DPYD: variants seen among roughly 807,000 people sequenced by gnomAD.
The protein encoded by DPYD is dihydropyrimidine dehydrogenase [NADP(+)].
A neutral mutation model predicts 116.2 loss-of-function variants in DPYD; 109 were observed. The observed-to-expected ratio is 0.94, with a 90% CI of 0.80 to 1.10. The LOEUF (loss-of-function observed/expected upper bound fraction) is 1.10. DPYD is among the 50% of genes least tolerant of loss of function. DPYD has a pLI of 0.00. For synonymous variants in DPYD, 440 were observed against 432.0 expected (o/e 1.02, Z -0.23); for missense variants, 1,302 against 1,254.5 (o/e 1.04, Z -0.57).
intron 22 of DPYD, 43 bp from the exon 23 acceptor site, chr1:97,079,189 G>C (rs559818051): frequency 6.2e-7 from 1 of 1,605,680 alleles, no homozygotes; most frequent in East Asian, 2.2e-5. Context: ...TGACCACAAA[G>C]GTCAACAATG....
chr1:97,531,618 G>A (rs1254702443), intron 12 of DPYD, among the ~76,000 whole-genome samples: 1 of 152,056 alleles, frequency 6.6e-6, no homozygotes, highest in African/African-American at 2.4e-5. Context: ...TGGGTATTTT[G>A]TGGATTCATA....
At chr1:97,103,600 T>C (rs1256665338) in intron 20 of DPYD, among the ~76,000 whole-genome samples, 6 of 152,122 alleles carry the variant, frequency 3.9e-5, no homozygotes. Flanking sequence ...ATATCTAAAT[T>C]GGTCAAAAGC....
chr1:97,163,992 A>G (rs1656120365), intron 20 of DPYD, among the ~76,000 whole-genome samples: 1 of 152,210 alleles, frequency 6.6e-6, no homozygotes, highest in East Asian at 1.9e-4. Flanking sequence ...ACTTCAGGCC[A>G]ATATCCTTGA....
chr1:97,681,992 T>C (rs1660451060), intron 7 of DPYD, among the ~76,000 whole-genome samples: 1 of 152,040 alleles, frequency 6.6e-6, no homozygotes, highest in Admixed American at 6.6e-5. Context: ...CTTTTTGAGG[T>C]GGGTATTTGT....
intron 11 of DPYD, among the ~76,000 whole-genome samples, chr1:97,558,219 A>G (rs1424747063): frequency 1.3e-5 from 2 of 152,092 alleles, no homozygotes; most frequent in African/African-American, 4.8e-5. Context: ...GCTAGGCACT[A>G]TGTGACTTTA....
At chr1:97,332,533 C>G (rs1369243955) in intron 16 of DPYD, among the ~76,000 whole-genome samples, 1 of 152,150 alleles carries the variant, frequency 6.6e-6, no homozygotes, top group Non-Finnish European at 1.5e-5. Flanking sequence ...CTAGAAGCAT[C>G]TTCATCTGCT....
intron 16 of DPYD, among the ~76,000 whole-genome samples, chr1:97,335,442 T>C (rs1183246930): frequency 2.0e-5 from 3 of 152,064 alleles, no homozygotes; most frequent in African/African-American, 4.8e-5. Context: ...TCAGAAATGA[T>C]TGCAGGAGAA....
rs536245958 is a variant in DPYD, at chr1:97,234,387, ACAAT to A, written c.2442+461_2442+464del. Among the ~76,000 whole-genome samples, 73 of 152,342 alleles carry A rather than the reference ACAAT, an allele frequency of 4.8e-4. 1 individual carries two copies. The highest frequency in any genetic ancestry group is 7.9e-4 in the Non-Finnish European group (54 of 68,026). On this transcript the variant is annotated intron_variant, in intron 19 of 22. Transcript: ENST00000370192. ...TCAGCTTTGTACCACAAGAAGCTGA[ACAAT>A]CAATTTATTTTAATATTTTAAAAGT... is the stretch of plus-strand genomic sequence containing the variant.
intron 14 of DPYD, among the ~76,000 whole-genome samples, chr1:97,408,155 T>C (rs936567133): frequency 2.0e-5 from 3 of 152,092 alleles, no homozygotes; most frequent in African/African-American, 4.8e-5. Context: ...CCAGACTCTT[T>C]AGGAATGAAG....
chr1:97,837,654 A>G (rs541185551), intron 2 of DPYD, among the ~76,000 whole-genome samples: 1 of 152,310 alleles, frequency 6.6e-6, no homozygotes, highest in East Asian at 1.9e-4. Context: ...CGAATAAATA[A>G]TTCATATTTC....
At chr1:97,701,922 AG>A (rs1661620443) in intron 5 of DPYD, among the ~76,000 whole-genome samples, 1 of 151,774 alleles carries the variant, frequency 6.6e-6, no homozygotes, top group African/African-American at 2.4e-5. Context: ...TTTATACATA[AG>A]GGGGAATATA....
chr1:97,666,607 TA>T (rs925464521), intron 8 of DPYD, among the ~76,000 whole-genome samples: 2 of 151,944 alleles, frequency 1.3e-5, no homozygotes, highest in Non-Finnish European at 1.5e-5. Context: ...TAGTAATATT[TA>T]AAAAAAATAA....
chr1:97,882,118 T>C (rs1463385602), intron 2 of DPYD, among the ~76,000 whole-genome samples: 1 of 151,976 alleles, frequency 6.6e-6, no homozygotes, highest in Non-Finnish European at 1.5e-5. Context: ...GTAAGTGGCC[T>C]ATTCCTTGAA....
chr1:97,630,989 G>C (rs545656157), intron 8 of DPYD, among the ~76,000 whole-genome samples: 1 of 152,098 alleles, frequency 6.6e-6, no homozygotes, highest in East Asian at 1.9e-4. Flanking sequence ...TTCATTCCAG[G>C]TCCTCTAATA....
At chr1:97,250,731 A>G (rs986434817) in intron 18 of DPYD, among the ~76,000 whole-genome samples, 5 of 152,212 alleles carry the variant, frequency 3.3e-5, no homozygotes, top group African/African-American at 9.6e-5. Flanking sequence ...GTTTTAGTAC[A>G]GATAAAAAGA....
intron 16 of DPYD, among the ~76,000 whole-genome samples, chr1:97,307,812 T>C (rs956531046): frequency 9.2e-5 from 14 of 151,914 alleles, no homozygotes; most frequent in Non-Finnish European, 1.2e-4. Context: ...ACCACTGCAT[T>C]GGTATTATGA....
At chr1:97,555,135 C>A (rs1180084841) in intron 11 of DPYD, among the ~76,000 whole-genome samples, 1 of 152,100 alleles carries the variant, frequency 6.6e-6, no homozygotes, top group Non-Finnish European at 1.5e-5. Context: ...TCTGTAGCAT[C>A]CAACAGTTGA....
intron 13 of DPYD, among the ~76,000 whole-genome samples, chr1:97,505,685 C>T (rs1045389902): frequency 6.6e-6 from 1 of 151,848 alleles, no homozygotes; most frequent in Non-Finnish European, 1.5e-5. Context: ...CACAAACACA[C>T]ACTCGAAAAA....
chr1:97,122,114 GA>G (rs1439417397), intron 20 of DPYD, among the ~76,000 whole-genome samples: 1 of 152,194 alleles, frequency 6.6e-6, no homozygotes, highest in African/African-American at 2.4e-5. Context: ...AAGGGAAGCA[GA>G]ATGCATTTGA....
Sources: gnomAD v4.1 joint callset for allele counts (sites outside exome capture counted in the v4.1 genomes callset) on GRCh38, gnomAD v4.1.1 for gene constraint, MANE v1.5 for transcripts, NCBI Gene and HGNC (gene_info 2026-07-23, HGNC 2026-07-21) for gene names.